UNC13D: variants seen among roughly 807,000 people sequenced by gnomAD.
The protein encoded by UNC13D is protein unc-13 homolog D.
Under a neutral mutation model 151.7 loss-of-function variants are expected in UNC13D, and 115 were observed. The ratio of observed to expected loss-of-function variants is 0.76; its 90% CI spans 0.65 to 0.88. The LOEUF is 0.88. Ranked by LOEUF, UNC13D falls within the 40% of genes least tolerant of loss-of-function variation. UNC13D has a pLI of 0.00. For missense variants in UNC13D, 1,369 were observed against 1,438.7 expected (o/e 0.95, Z 0.78); for synonymous variants, 588 against 612.2 (o/e 0.96, Z 0.58).
rs1381361627 is a variant in UNC13D, at chr17:75,835,481, G to A, written c.1776C>T (p.Ala592=). The A allele has an allele frequency of 1.9e-6, 3 of 1,612,248 alleles. No individual in the cohort carries two copies. The highest frequency in any genetic ancestry group is 2.5e-6 in the Non-Finnish European group (3 of 1,179,382). Residue 592 remains alanine (A), a synonymous_variant, in exon 20 of 32, where the codon GCC becomes GCT. Coordinates refer to ENST00000207549, the MANE Select transcript of UNC13D (RefSeq NM_199242.3). ...ACGTCTTCTGCAGCCAGGAGGGGAT[G>A]GCCGGCTGGAACCAGCGGTGGAAAT... ...LDNFHRWFQP[A]IPSWLQKTYN...
In UNC13D at chr17:75,837,762, A is replaced by AAAAAG. The variant is rs1195618114; in HGVS notation, c.1056-849_1056-845dup. 2.9e-4 allele frequency among the ~76,000 whole-genome samples: 44 copies of AAAAAG among 151,962 alleles called. 2 individuals are homozygous for AAAAAG. The highest frequency in any genetic ancestry group is 1.0e-3 in the African/African-American group (43 of 41,386). Reference sequence around the variant, plus strand: ...AGAGGGAAACTCCAGCTCAAAAAAAAAAAAGAAAAGAAAAGAAAAATAGGA... The same window carrying AAAAAG: ...AGAGGGAAACTCCAGCTCAAAAAAAAAAAAGAAAAGAAAAGAAAAGAAAAATAGGA... On this transcript the variant is annotated intron_variant, in intron 12 of 31. Coordinates refer to ENST00000207549, the MANE Select transcript of UNC13D (RefSeq NM_199242.3).
chr17:75,834,407 T>C lies in UNC13D; in HGVS notation c.2216A>G (p.Asn739Ser). The change falls in exon 23 of 32, where the codon AAC (asparagine) becomes AGC (serine). Residue 739 changes from asparagine to serine, a missense_variant. By Grantham distance (46) the Asn-to-Ser change is conservative (BLOSUM62 1). This residue lies in a region of UNC13D where 807 missense variants were observed against 795.5 expected (regional missense o/e 1.01). Transcript: ENST00000207549. ...GCTCTGCAGCTGGGCATGCAGCGTG[T>C]TCTGCAGCTGCCCCTGCTCCAGCAC... ...GAVLEQGQLQ[N>S]TLHAQLQSAL... The C allele has an allele frequency of 6.3e-7, 1 of 1,583,832 alleles. No homozygotes were observed. The highest frequency in any genetic ancestry group is 1.7e-5 in the Admixed American group (1 of 57,418).
chr17:75,838,616 A>G (rs2064925410), intron 12 of UNC13D, among the ~76,000 whole-genome samples: 1 of 152,156 alleles, frequency 6.6e-6, no homozygotes, highest in African/African-American at 2.4e-5. Flanking sequence ...AGTTGCCCTC[A>G]ACATAGATTT....
chr17:75,838,352 G>T (rs1165479558), intron 12 of UNC13D, among the ~76,000 whole-genome samples: 3 of 151,926 alleles, frequency 2.0e-5, no homozygotes, highest in African/African-American at 4.8e-5. Flanking sequence ...CCGAGTAGCT[G>T]GGATTACAGA....
chr17:75,830,096 C>A lies in UNC13D; in HGVS notation c.2886G>T (p.Glu962Asp). The change falls in exon 30 of 32, where the codon GAG becomes GAT. Residue 962 changes from glutamate (E) to aspartate (D), a missense_variant. Around this residue, in one of 3 missense-constraint regions of UNC13D, gnomAD observed 807 missense variants for 795.5 expected, o/e 1.01. Transcript: ENST00000207549. ...GCTTCTGGGTCTCCCGGGCGGCCAGCTCAGGGAACTCATGCCTGGGCTCCA... is the reference window on the plus strand; with the variant it reads ...GCTTCTGGGTCTCCCGGGCGGCCAGATCAGGGAACTCATGCCTGGGCTCCA... The part of the protein sequence containing the change: ...LTLEPRHEFP[E>D]LAARETQKHK... The A allele has an allele frequency of 6.3e-7, 1 of 1,582,464 alleles. No individual in the cohort carries two copies. Among genetic ancestry groups the A allele is most frequent in the Non-Finnish European group, 8.6e-7 (1 of 1,164,392 alleles).
chr17:75,839,669 G>T (rs1169153714), intron 12 of UNC13D, among the ~76,000 whole-genome samples, 170 bp downstream of exon 12: 1 of 152,142 alleles, frequency 6.6e-6, no homozygotes, highest in African/African-American at 2.4e-5. Context: ...CACCGCATCA[G>T]CCGAATCTCT....
intron 31 of UNC13D, among the ~76,000 whole-genome samples, chr17:75,828,297 A>C (rs898748590): frequency 6.6e-6 from 1 of 152,204 alleles, no homozygotes; most frequent in East Asian, 1.9e-4. Flanking sequence ...TGCTGCTGGG[A>C]CACTGTCCTG....
intron 12 of UNC13D, 88 bp from the exon 13 acceptor site, chr17:75,837,006 C>CCCTCCTCCAGGGCCCCTGGTGGATAA: frequency 1.7e-6 from 2 of 1,211,602 alleles, no homozygotes; most frequent in Non-Finnish European, 1.2e-6. Flanking sequence ...GGAATCGCCT[C>CCCTCCTCCAGGGCCCCTGGTGGATAA]CCATCCACCA....
Position 75,840,404 on chromosome 17 carries a change from GA to G in UNC13D, c.754-76del. On this transcript the variant is annotated intron_variant, in intron 9 of 31. Transcript: ENST00000207549. The surrounding 1 kb of genome is among the most constrained non-coding windows in gnomAD (Gnocchi z 4.6). ...GGGGCAGCGGAGGCGACAGGAGGTG[GA>G]CCCCAGGCTCAGCTTTGTGAGGACA... The G allele has an allele frequency of 6.2e-7, 1 of 1,606,220 alleles. No homozygotes were observed. The highest frequency in any genetic ancestry group is 1.1e-5 in the South Asian group (1 of 90,874).
At chr17:75,831,205 C>A in intron 26 of UNC13D, 36 bp from the exon 27 acceptor site, 1 of 1,614,132 alleles carries the variant, frequency 6.2e-7, no homozygotes. Context: ...CAGGCACCCT[C>A]CCACCAGGGT....
rs2064956469 is a variant in UNC13D at position 75,842,524 on chromosome 17, C to T, written c.478G>A (p.Val160Met). Residue 160 changes from valine (V) to methionine (M), a missense_variant, in exon 6 of 32, where the codon GTG becomes ATG. By Grantham distance (21) the Val-to-Met change is conservative. Coordinates refer to ENST00000207549, the MANE Select transcript of UNC13D (RefSeq NM_199242.3). ...TCCTCGGGGATGGTGTGCCTCACCA[C>T]AGCCTTCTGCCGATGCCGGGACCCG... ...SPGSRHRQKAVVRHTIPEEET... is the reference protein window; with the variant it reads ...SPGSRHRQKAMVRHTIPEEET... 1.2e-6 allele frequency: 2 copies of T among 1,613,034 alleles called. No individual in the cohort carries two copies. Among genetic ancestry groups the T allele is most frequent in the Non-Finnish European group, 1.7e-6 (2 of 1,179,798 alleles).
intron 22 of UNC13D, 25 bp from the exon 23 acceptor site, chr17:75,834,556 T>C (rs2064893645): frequency 1.2e-6 from 2 of 1,608,226 alleles, no homozygotes; most frequent in East Asian, 4.5e-5. Context: ...CAGAGCTTCC[T>C]GAACTGTGCC....
At chr17:75,844,074 G>C (rs2064968741) in intron 1 of UNC13D, 147 bp downstream of exon 1, 1 of 1,480,592 alleles carries the variant, frequency 6.8e-7, no homozygotes, top group African/African-American at 1.4e-5. Flanking sequence ...CTGGCCCAGG[G>C]GGCTCTCCCC....
intron 12 of UNC13D, 25 bp from the exon 13 acceptor site, chr17:75,836,943 C>T (rs201383941): frequency 1.9e-6 from 3 of 1,610,088 alleles, no homozygotes; most frequent in Non-Finnish European, 1.7e-6. Flanking sequence ...AAGCCCTCAG[C>T]TGGACAGGGA....
rs1331712199 is a variant in UNC13D at position 75,827,497 on chromosome 17, G to A, written c.*468C>T. The A allele has an allele frequency of 6.6e-7, 1 of 1,517,122 alleles. No individual in the cohort carries two copies. Among genetic ancestry groups the A allele is most frequent in the Non-Finnish European group, 8.8e-7 (1 of 1,135,424 alleles). 94.0% of individuals were successfully genotyped at this position (1,517,122 alleles called of 1,614,324 possible). A position where few individuals can be genotyped will look rare whatever the true frequency, so the allele number is the denominator to read the frequency against. On this transcript the variant is annotated 3_prime_UTR_variant, in exon 32 of 32. Transcript: ENST00000207549. Reference sequence around the variant, plus strand: ...AGTAATGGCCACCACCCTCCCCCCAGGGCAGCTGGAGCCTCATCTTTGGCA... The same window carrying A: ...AGTAATGGCCACCACCCTCCCCCCAAGGCAGCTGGAGCCTCATCTTTGGCA...
intron 21 of UNC13D, 77 bp downstream of exon 21, chr17:75,834,843 G>A: frequency 6.2e-7 from 1 of 1,612,314 alleles, no homozygotes; most frequent in Non-Finnish European, 8.5e-7. Flanking sequence ...CTGCCTGGGT[G>A]AGAGCACGGG....
In UNC13D at chr17:75,843,469, C is replaced by T. The variant is rs1253319110; in HGVS notation, c.153+15G>A. 6.2e-7 allele frequency: 1 copy of T among 1,605,194 alleles called. No homozygotes were observed. The highest frequency in any genetic ancestry group is 1.1e-5 in the South Asian group (1 of 89,496). On this transcript the variant is annotated intron_variant, in intron 2 of 31. Transcript: ENST00000207549. ...CCCTCCCCACCTCTCTGCACCCCAGCACTCTGACTCTTACCTGCTCGGGGG... is the reference window on the plus strand; with the variant it reads ...CCCTCCCCACCTCTCTGCACCCCAGTACTCTGACTCTTACCTGCTCGGGGG...
In UNC13D at chr17:75,837,073, T is replaced by G. The variant is rs367773688; in HGVS notation, c.1056-155A>C. Among the ~76,000 whole-genome samples, 76 of 144,576 alleles carry G rather than the reference T, an allele frequency of 5.3e-4. 1 individual carries two copies. In the East Asian group the frequency reaches 6.2e-3, roughly 12 times the overall value. 94.8% of individuals were successfully genotyped at this position (144,576 alleles called of 152,430 possible). ...CATGCAGGATTGTTTTTGTTTTGTG[T>G]TTTTTTTTTTGAGATGTAGTCTCAC... On this transcript the variant is annotated intron_variant, in intron 12 of 31. Coordinates refer to ENST00000207549, the MANE Select transcript of UNC13D (RefSeq NM_199242.3).
chr17:75,844,304 G>A lies in UNC13D; in HGVS notation c.34C>T (p.Pro12Ser). 1 of 1,612,678 alleles carries A rather than the reference G, an allele frequency of 6.2e-7. No individual in the cohort carries two copies. The highest frequency in any genetic ancestry group is 8.5e-7 in the Non-Finnish European group (1 of 1,179,872). Residue 12 changes from proline to serine, a missense_variant, in exon 1 of 32, where the codon CCT (proline) becomes TCT (serine). Pro to Ser is a moderately conservative substitution (Grantham distance 74). Around this residue, in one of 3 missense-constraint regions of UNC13D, gnomAD observed 550 missense variants for 609.0 expected, o/e 0.90. Transcript: ENST00000207549. ...TTGATGGCCTGGCGCAAGAAGGGAG[G>A]GCGCTGCTGCGGATGGGAGAGGAGT... ...ATLLSHPQQR[P>S]PFLRQAIKIR...
Sources: gnomAD v4.1 joint callset for allele counts (sites outside exome capture counted in the v4.1 genomes callset) on GRCh38, gnomAD v4.1.1 for gene constraint, gnomAD v4.1.1 regional missense constraint, Gnocchi (gnomAD v3.1) non-coding constraint, MANE v1.5 for transcripts, NCBI Gene and HGNC (gene_info 2026-07-23, HGNC 2026-07-21) for gene names.